ORC1: variants seen among roughly 807,000 people sequenced by gnomAD.
ORC1 encodes the protein origin recognition complex subunit 1.
In ORC1, 61 loss-of-function variants were observed where a neutral mutation model predicts 98.9. The ratio of observed to expected loss-of-function variants is 0.62; its 90% confidence interval spans 0.50 to 0.76. The LOEUF (loss-of-function observed/expected upper bound fraction) is 0.76. ORC1 is among the 30% of genes least tolerant of loss of function. ORC1 has a pLI of 0.00. For synonymous variants in ORC1, 385 were observed against 406.9 expected (o/e 0.95, Z 0.65); for missense variants, 979 against 1,072.2 (o/e 0.91, Z 1.21).
chr1:52,407,100 C>T (rs972159373), upstream of ORC1, among the ~76,000 whole-genome samples: 6 of 152,218 alleles, frequency 3.9e-5, no homozygotes, highest in African/African-American at 1.4e-4. Flanking sequence ...TCACTGCAAG[C>T]TCGGCCTCCT....
At chr1:52,396,385 T>C (rs376517487) in intron 4 of ORC1, 21 bp from the exon 5 acceptor site, 73 of 1,613,864 alleles carry the variant, frequency 4.5e-5, no homozygotes, top group Non-Finnish European at 5.9e-5. Flanking sequence ...GAAGTATAGA[T>C]AAGTAGGAAG....
chr1:52,395,266 A>G (rs907276128), intron 5 of ORC1, among the ~76,000 whole-genome samples: 4 of 152,192 alleles, frequency 2.6e-5, no homozygotes, highest in African/African-American at 4.8e-5. Context: ...AAATAAAAAT[A>G]TATGTGTGTC....
At chr1:52,388,995 G>A (rs1647178149) in intron 7 of ORC1, among the ~76,000 whole-genome samples, 1 of 152,110 alleles carries the variant, frequency 6.6e-6, no homozygotes, top group Admixed American at 6.5e-5. Context: ...CAGTCTTGCT[G>A]GACATGATGA....
chr1:52,375,604 A>C lies in ORC1; in HGVS notation c.2134-5T>G, dbSNP rs752083180. The stretch of plus-strand genomic sequence containing the variant: ...ATCTCCAGACAGTGCTGCTACCTAC[A>C]AGAGGGAATATTTTATTCCTGAGGC... On this transcript the variant is annotated splice_region_variant and splice_polypyrimidine_tract_variant and intron_variant, in intron 14 of 16. Transcript: ENST00000371568. 6.2e-7 allele frequency: 1 copy of C among 1,613,434 alleles called. No homozygotes were observed. Among genetic ancestry groups the C allele is most frequent in the Non-Finnish European group, 8.5e-7 (1 of 1,179,936 alleles).
At chr1:52,398,793 G>C (rs1028424953) in intron 3 of ORC1, among the ~76,000 whole-genome samples, 1 of 151,088 alleles carries the variant, frequency 6.6e-6, no homozygotes, top group Admixed American at 6.6e-5. Flanking sequence ...CACCGTGTTA[G>C]CCAGGACGGT....
chr1:52,388,398 A>G, intron 8 of ORC1, 44 bp downstream of exon 8: 3 of 1,507,292 alleles, frequency 2.0e-6, no homozygotes, highest in Non-Finnish European at 2.8e-6. Context: ...TTTTAAACTA[A>G]GAGAGGGATG....
intron 16 of ORC1, among the ~76,000 whole-genome samples, chr1:52,373,637 T>C (rs755764703): frequency 6.6e-6 from 1 of 152,188 alleles, no homozygotes; most frequent in African/African-American, 2.4e-5. Flanking sequence ...ACTGCACTCT[T>C]TTGAGCTTCA....
In ORC1 at chr1:52,401,398, G is replaced by A; in HGVS notation, c.187C>T (p.Pro63Ser). ...VLIEGDDDEN[P>S]YVAKLLELFE... ...AACTCAAGCAATTTAGCAACATACG[G>A]GTTTTCATCATCATCCCCTTCAATC... The change falls in exon 3 of 17, where the codon CCG becomes TCG. Residue 63 changes from proline (P) to serine (S), a missense_variant. By Grantham distance (74) the Pro-to-Ser change is moderately conservative (BLOSUM62 -1). Transcript: ENST00000371568. 1 of 1,613,464 alleles carries A rather than the reference G, an allele frequency of 6.2e-7. No individual in the cohort carries two copies. The highest frequency in any genetic ancestry group is 8.5e-7 in the Non-Finnish European group (1 of 1,179,934).
chr1:52,380,219 C>CA (rs1647042849), intron 14 of ORC1, among the ~76,000 whole-genome samples: 1 of 152,194 alleles, frequency 6.6e-6, no homozygotes, highest in African/African-American at 2.4e-5. Flanking sequence ...GATCATCCCA[C>CA]AGCAAATCTC....
chr1:52,395,283 T>G (rs151030466), intron 5 of ORC1, among the ~76,000 whole-genome samples: 1 of 152,238 alleles, frequency 6.6e-6, no homozygotes, highest in East Asian at 1.9e-4. Flanking sequence ...TGTCTGCATA[T>G]AGGTATACAT....
intron 9 of ORC1, 151 bp downstream of exon 9, chr1:52,385,701 A>G: frequency 1.4e-6 from 1 of 711,268 alleles, no homozygotes; most frequent in South Asian, 1.5e-5. Context: ...TTTTTTCTAA[A>G]CATACACTCA....
Position 52,385,033 on chromosome 1 carries a change from T to G in ORC1, c.1583+128A>C. 3 of 779,022 alleles carry G rather than the reference T, an allele frequency of 3.9e-6. No individual in the cohort carries two copies. In the South Asian group the frequency reaches 4.1e-5, roughly 11 times the overall value. The allele number at this position is 779,022 out of a possible 1,614,324, so 48.3% of individuals were successfully genotyped here. On this transcript the variant is annotated intron_variant, in intron 10 of 16. Transcript: ENST00000371568. Reference sequence around the variant, plus strand: ...AACAAATGTTTCAGAAGCTTTGGGCTTCAGCAACGATTTGGTCTAGTCTGC... The same window carrying G: ...AACAAATGTTTCAGAAGCTTTGGGCGTCAGCAACGATTTGGTCTAGTCTGC...
chr1:52,384,869 T>C (rs1201080439), intron 10 of ORC1, 148 bp from the exon 11 acceptor site: 15 of 750,394 alleles, frequency 2.0e-5, no homozygotes, highest in Non-Finnish European at 3.2e-5. Context: ...CCTTGGAAGC[T>C]GGTCAGAGTA....
chr1:52,405,334 G>A (rs1488900351), upstream of ORC1, among the ~76,000 whole-genome samples: 6 of 152,180 alleles, frequency 3.9e-5, no homozygotes, highest in Non-Finnish European at 8.8e-5. Flanking sequence ...GATTTGAATT[G>A]TGGCTTTAAA....
chr1:52,398,570 G>C (rs868847188), intron 3 of ORC1, among the ~76,000 whole-genome samples: 90 of 145,970 alleles, frequency 6.2e-4, no homozygotes, highest in African/African-American at 2.2e-3. Context: ...GGCCCAACAT[G>C]TGTTATCTTT....
chr1:52,390,319 A>G (rs1647191799), intron 6 of ORC1, among the ~76,000 whole-genome samples: 1 of 152,254 alleles, frequency 6.6e-6, no homozygotes, highest in South Asian at 2.1e-4. Flanking sequence ...TATAGTTACC[A>G]AAACAGCATA....
At chr1:52,408,925 T>A (rs1648073569), upstream of ORC1, 1 of 408,732 alleles carries the variant, frequency 2.4e-6, no homozygotes, top group East Asian at 4.3e-5. Context: ...GCATCTTATG[T>A]TAATCCCTGC....
chr1:52,397,925 T>C (rs1647494876), intron 3 of ORC1, 62 bp from the exon 4 acceptor site: 2 of 1,431,914 alleles, frequency 1.4e-6, no homozygotes, highest in Non-Finnish European at 2.0e-6. Context: ...TACTGAGCAA[T>C]TCCTATGTGC....
At chr1:52,406,381 A>G (rs1647997369), upstream of ORC1, among the ~76,000 whole-genome samples, 1 of 152,192 alleles carries the variant, frequency 6.6e-6, no homozygotes, top group Admixed American at 6.5e-5. Flanking sequence ...GATTTCACAG[A>G]TTCACTAAAT....
Sources: gnomAD v4.1 joint callset for allele counts (sites outside exome capture counted in the v4.1 genomes callset) on GRCh38, gnomAD v4.1.1 for gene constraint, MANE v1.5 for transcripts, NCBI Gene and HGNC (gene_info 2026-07-23, HGNC 2026-07-21) for gene names.